SMCHD1: variants seen among roughly 807,000 people sequenced by gnomAD.
SMCHD1 encodes structural maintenance of chromosomes flexible hinge domain-containing protein 1.
In SMCHD1, 78 loss-of-function variants were observed where a neutral mutation model predicts 254.7. That is an observed-to-expected ratio of 0.31 (90% confidence interval 0.26 to 0.37). The LOEUF (loss-of-function observed/expected upper bound fraction) is 0.37, where lower values mean the gene tolerates loss of function less well. SMCHD1 is among the 10% of genes least tolerant of loss of function. The pLI is 1.00. For missense variants in SMCHD1, 1,840 were observed against 2,408.1 expected (o/e 0.76, Z 4.94); for synonymous variants, 766 against 794.9 (o/e 0.96, Z 0.61).
intron 8 of SMCHD1, among the ~76,000 whole-genome samples, chr18:2,696,098 A>C (rs2074279891): frequency 6.6e-6 from 1 of 152,210 alleles, no homozygotes; most frequent in Non-Finnish European, 1.5e-5. Context: ...TGTTACCAAA[A>C]TATAATCTTT....
rs574206143 is a variant in SMCHD1, at chr18:2,693,027, A to C, written c.874-1500A>C. The stretch of plus-strand genomic sequence containing the variant: ...TAGCTGTGATATTAGCAATTAGTGT[A>C]TAGAGATGCATTATAATGGTTTTGA... On this transcript the variant is annotated intron_variant, in intron 7 of 47. Transcript: ENST00000320876. Among the ~76,000 whole-genome samples, 3 of 152,334 alleles carry C rather than the reference A, an allele frequency of 2.0e-5. No individual in the cohort carries two copies. The East Asian group carries it at 5.8e-4, about 29-fold the overall frequency.
intron 10 of SMCHD1, among the ~76,000 whole-genome samples, chr18:2,699,125 G>T (rs1393480869): frequency 6.6e-6 from 1 of 152,090 alleles, no homozygotes; most frequent in Non-Finnish European, 1.5e-5. Context: ...CAGAGATCCT[G>T]ATTCGAATCC....
chr18:2,716,049 T>C (rs552226278), intron 17 of SMCHD1, among the ~76,000 whole-genome samples: 1 of 152,308 alleles, frequency 6.6e-6, no homozygotes, highest in Admixed American at 6.5e-5. Flanking sequence ...GAATTTACAT[T>C]TGTTGGGGCA....
intron 12 of SMCHD1, among the ~76,000 whole-genome samples, chr18:2,703,090 G>A (rs2074439334): frequency 6.6e-6 from 1 of 152,072 alleles, no homozygotes; most frequent in African/African-American, 2.4e-5. Context: ...TTTTGGATAG[G>A]CTCTATATAT....
rs762736228 is a variant in SMCHD1, at chr18:2,784,602, G to C, written c.5700G>C (p.Leu1900=). The change falls in exon 45 of 48, where the codon CTG becomes CTC. Residue 1900 remains leucine, a synonymous_variant. Transcript: ENST00000320876. ...GAGCTCCAGTTCCAAAACAGTGTCT[G>C]ATCTTAGGGGAACAAATAGGTAAGT... is the stretch of plus-strand genomic sequence containing the variant. ...VFGAPVPKQC[L]ILGEQIDLLQ... 1.3e-6 allele frequency: 2 copies of C among 1,591,094 alleles called. No individual in the cohort carries two copies. The highest frequency in any genetic ancestry group is 1.7e-6 in the Non-Finnish European group (2 of 1,172,484).
intron 12 of SMCHD1, among the ~76,000 whole-genome samples, chr18:2,701,884 A>G (rs1289884345): frequency 1.3e-5 from 2 of 152,058 alleles, no homozygotes; most frequent in Non-Finnish European, 2.9e-5. Context: ...AGTACATAGT[A>G]TTTGTAGTCA....
chr18:2,751,370 A>G lies in SMCHD1; in HGVS notation c.4258A>G (p.Ser1420Gly), dbSNP rs775765524. The G allele has an allele frequency of 3.8e-6, 6 of 1,573,910 alleles. No homozygotes were observed. The South Asian group carries it at 5.9e-5, about 16-fold the overall frequency. Residue 1420 changes from serine (S) to glycine (G), a missense_variant, in exon 33 of 48, where the codon AGT becomes GGT. Ser to Gly is a moderately conservative substitution (Grantham distance 56, BLOSUM62 0). Transcript: ENST00000320876. ...CATGAAAATGTGGAAGCTGTCTACC[A>G]GTGGGAACCGACCCCCAGCAAATGT... The part of the protein sequence containing the change: ...ISMKMWKLST[S>G]GNRPPANAET...
chr18:2,670,659 G>A (rs967885822), intron 3 of SMCHD1, among the ~76,000 whole-genome samples: 3 of 152,050 alleles, frequency 2.0e-5, no homozygotes, highest in Non-Finnish European at 4.4e-5. Flanking sequence ...CCAGCACTTT[G>A]GGAAGCCCCG....
Position 2,724,816 on chromosome 18 carries a change from A to G in SMCHD1, c.2604-83A>G, listed in dbSNP as rs140531442. 1,193 of 554,462 alleles carry G rather than the reference A, an allele frequency of 2.2e-3. 9 individuals carry two copies. The highest frequency in any genetic ancestry group is 0.019 in the African/African-American group (1,039 of 53,322). 34.3% of individuals were successfully genotyped at this position (554,462 alleles called of 1,614,324 possible). A position where few individuals can be genotyped will look rare whatever the true frequency, so the allele number is the denominator to read the frequency against. On this transcript the variant is annotated intron_variant, in intron 20 of 47. Coordinates refer to ENST00000320876, the MANE Select transcript of SMCHD1 (RefSeq NM_015295.3). ...TTTTATTAGAAAACTAGACATGCCA[A>G]TGTCACATAGGAAAGCAAAAACACA... is the stretch of plus-strand genomic sequence containing the variant.
intron 1 of SMCHD1, among the ~76,000 whole-genome samples, chr18:2,663,052 C>G (rs1172598108): frequency 3.9e-5 from 6 of 152,124 alleles, no homozygotes; most frequent in Admixed American, 1.3e-4. Flanking sequence ...TCACTGATAA[C>G]TAGTGATGTT....
At position 2,729,285 on chromosome 18, in the gene SMCHD1, C is replaced by T. The variant is rs776007020; in HGVS notation, c.2924C>T (p.Ala975Val). ...KLIVHCKFSG[A>V]PNLPVYVVDC... is the part of the protein sequence containing the mutation. ...TCATCTTTCAAATAGTTTTCAGGTG[C>T]TCCAAACCTTCCAGTCTATGTTGTA... Residue 975 changes from alanine to valine, a missense_variant, in exon 24 of 48, where the codon GCT becomes GTT. Physicochemically the swap from Ala to Val is moderately conservative, Grantham distance 64. Coordinates refer to ENST00000320876, the MANE Select transcript of SMCHD1 (RefSeq NM_015295.3). 1 of 1,494,910 alleles carries T rather than the reference C, an allele frequency of 6.7e-7. No homozygotes were observed. Among genetic ancestry groups the T allele is most frequent in the Non-Finnish European group, 8.9e-7 (1 of 1,124,374 alleles). The allele number at this position is 1,494,910 out of a possible 1,614,324, so 92.6% of individuals were successfully genotyped here.
At chr18:2,773,885 T>C (rs1432564688) in intron 41 of SMCHD1, among the ~76,000 whole-genome samples, 1 of 152,098 alleles carries the variant, frequency 6.6e-6, no homozygotes, top group African/African-American at 2.4e-5. Flanking sequence ...ATCATGCCAC[T>C]GCACTCCAGC....
intron 17 of SMCHD1, among the ~76,000 whole-genome samples, chr18:2,713,091 A>G (rs1417716758): frequency 1.3e-5 from 2 of 152,162 alleles, no homozygotes; most frequent in East Asian, 3.9e-4. Context: ...AGGCTTTGAG[A>G]GCTGTATGAG....
intron 5 of SMCHD1, among the ~76,000 whole-genome samples, chr18:2,678,199 CTTTT>C (rs2073801681): frequency 6.7e-6 from 1 of 149,440 alleles, no homozygotes; most frequent in African/African-American, 2.5e-5. Context: ...TTTATACTGT[CTTTT>C]CTTTCTTTTC....
At chr18:2,729,500 A>G (rs2075094156) in intron 24 of SMCHD1, 91 bp downstream of exon 24, 2 of 963,466 alleles carry the variant, frequency 2.1e-6, no homozygotes, top group Admixed American at 7.3e-5. Context: ...AAAATTGTTA[A>G]CTTCTGAAAA....
chr18:2,730,450 G>A (rs1373509162), intron 24 of SMCHD1, among the ~76,000 whole-genome samples: 2 of 152,144 alleles, frequency 1.3e-5, no homozygotes, highest in Non-Finnish European at 2.9e-5. Context: ...GATTACAGGC[G>A]TGAGCCACCG....
chr18:2,657,288 C>T (rs2073098225), intron 1 of SMCHD1, among the ~76,000 whole-genome samples: 1 of 152,098 alleles, frequency 6.6e-6, no homozygotes, highest in South Asian at 2.1e-4. Context: ...AGCTGTAGTC[C>T]CAGCGTCTAG....
chr18:2,673,536 C>T (rs900459028), intron 4 of SMCHD1, among the ~76,000 whole-genome samples, 173 bp downstream of exon 4: 2 of 152,048 alleles, frequency 1.3e-5, no homozygotes, highest in African/African-American at 4.8e-5. Flanking sequence ...TATATGTATA[C>T]ATGTATATGT....
At chr18:2,795,402 C>T (rs551545223) in intron 45 of SMCHD1, among the ~76,000 whole-genome samples, 8 of 152,160 alleles carry the variant, frequency 5.3e-5, no homozygotes, top group Admixed American at 3.9e-4. Flanking sequence ...TTTTTGGAAG[C>T]GATGATTTTC....
Sources: allele counts gnomAD v4.1 joint callset (sites outside exome capture counted in the v4.1 genomes callset), GRCh38; gene constraint gnomAD v4.1.1; transcripts MANE v1.5; gene names NCBI Gene and HGNC (gene_info 2026-07-23, HGNC 2026-07-21).